ANKS1B: variants seen among roughly 807,000 people sequenced by gnomAD.
ANKS1B encodes ankyrin repeat and sterile alpha motif domain-containing protein 1B.
A neutral mutation model predicts 148.3 loss-of-function variants in ANKS1B; 36 were observed. The observed-to-expected ratio is 0.24, with a 90% CI of 0.19 to 0.32. The LOEUF (loss-of-function observed/expected upper bound fraction) is 0.32, where lower values mean the gene tolerates loss of function less well. ANKS1B is among the 10% of genes least tolerant of loss of function. The pLI is 1.00. For missense variants in ANKS1B, 1,157 were observed against 1,542.6 expected, an observed-to-expected ratio of 0.75 and a Z score of 4.19; for synonymous variants, 542 against 560.8, an observed-to-expected ratio of 0.97 and a Z score of 0.47.
At chr12:99,860,241 C>T (rs578247715) in intron 1 of ANKS1B, among the ~76,000 whole-genome samples, 1 of 152,268 alleles carries the variant, frequency 6.6e-6, no homozygotes, top group East Asian at 1.9e-4. Context: ...CTGGAGAAGG[C>T]TTTACAGCAA....
chr12:99,331,417 T>C lies in ANKS1B; in HGVS notation c.1756+68214A>G, dbSNP rs188743621. ...TGATATTACATGCTTTACAACCTCC[T>C]GCAGCTGCCAGCCAAATCTCCGTTT... On this transcript the variant is annotated intron_variant, in intron 12 of 26. Coordinates refer to ENST00000683438, the MANE Select transcript of ANKS1B (RefSeq NM_001352186.2). 4.5e-4 allele frequency among the ~76,000 whole-genome samples: 68 copies of C among 152,166 alleles called. 1 individual carries two copies. The highest frequency in any genetic ancestry group is 7.8e-4 in the Non-Finnish European group (53 of 67,958).
At chr12:99,679,609 C>T (rs532020440) in intron 8 of ANKS1B, among the ~76,000 whole-genome samples, 2 of 151,958 alleles carry the variant, frequency 1.3e-5, no homozygotes, top group Middle Eastern at 3.4e-3. Flanking sequence ...CATGACTGTC[C>T]GAACTCTAAC....
intron 8 of ANKS1B, among the ~76,000 whole-genome samples, chr12:99,717,653 G>A (rs1397376531): frequency 1.3e-5 from 2 of 152,176 alleles, no homozygotes; most frequent in African/African-American, 2.4e-5. Flanking sequence ...TCGGCTTAGT[G>A]GCTGAAGACT....
At chr12:99,417,735 A>G (rs2094953169) in intron 11 of ANKS1B, among the ~76,000 whole-genome samples, 1 of 152,138 alleles carries the variant, frequency 6.6e-6, no homozygotes, top group Non-Finnish European at 1.5e-5. Context: ...TGTAGTTTTC[A>G]GTATACAAGA....
intron 17 of ANKS1B, among the ~76,000 whole-genome samples, chr12:98,926,621 G>A (rs1405686739): frequency 6.6e-6 from 1 of 152,094 alleles, no homozygotes; most frequent in Non-Finnish European, 1.5e-5. Context: ...GTTACTATAG[G>A]AGACATGTCT....
intron 17 of ANKS1B, 84 bp downstream of exon 17, chr12:99,053,073 T>C: frequency 1.6e-6 from 2 of 1,238,730 alleles, no homozygotes; most frequent in Non-Finnish European, 1.1e-6. Flanking sequence ...CCCCATTGGA[T>C]GTCCAAACAC....
chr12:99,852,745 G>A (rs1255496626), intron 1 of ANKS1B, among the ~76,000 whole-genome samples: 5 of 152,330 alleles, frequency 3.3e-5, no homozygotes, highest in East Asian at 1.9e-4. Flanking sequence ...GATTGGCACC[G>A]CAGGCTGTGT....
Position 99,731,583 on chromosome 12 carries a change from C to G in ANKS1B, c.1128+41339G>C, listed in dbSNP as rs145524525. Among the ~76,000 whole-genome samples, 60 of 152,060 alleles carry G rather than the reference C, an allele frequency of 3.9e-4. No homozygotes were observed. The East Asian group carries it at 0.01, about 26-fold the overall frequency. On this transcript the variant is annotated intron_variant, in intron 8 of 26. Coordinates refer to ENST00000683438, the MANE Select transcript of ANKS1B (RefSeq NM_001352186.2). ...GGTAATTCAATGAGAATACTAGAGT[C>G]TTTTTCAAAAAATGGTTCTAGACAA... is the stretch of plus-strand genomic sequence containing the variant.
At chr12:99,300,785 A>C (rs10860417) in intron 12 of ANKS1B, among the ~76,000 whole-genome samples, 5,321 of 152,284 alleles carry the variant, frequency 0.035, 430 homozygotes, top group East Asian at 0.34. Context: ...GTTTAGAGGC[A>C]TACTTTGGCT....
chr12:99,773,137 C>T (rs368858399), intron 7 of ANKS1B, 49 bp from the exon 8 acceptor site: 22 of 1,499,524 alleles, frequency 1.5e-5, no homozygotes, highest in East Asian at 6.8e-5. Context: ...ATTGTTAAAA[C>T]TTAATGTTAA....
At chr12:99,479,624 CACAGTAAGACAAAT>C (rs2096378342) in intron 10 of ANKS1B, among the ~76,000 whole-genome samples, 1 of 151,822 alleles carries the variant, frequency 6.6e-6, no homozygotes, top group Non-Finnish European at 1.5e-5. Context: ...ACAAACCAGG[CACAGTAAGACAAAT>C]ACTGCATGAC....
chr12:99,309,024 T>C (rs1180914195), intron 12 of ANKS1B, among the ~76,000 whole-genome samples: 1 of 151,380 alleles, frequency 6.6e-6, no homozygotes, highest in Non-Finnish European at 1.5e-5. Context: ...TACTATCAGT[T>C]TTCATGTATT....
chr12:99,262,828 T>C (rs1485706005), intron 12 of ANKS1B, among the ~76,000 whole-genome samples: 3 of 152,110 alleles, frequency 2.0e-5, no homozygotes, highest in Non-Finnish European at 4.4e-5. Flanking sequence ...TCTCTCTTTT[T>C]ATAAAGTACA....
intron 12 of ANKS1B, among the ~76,000 whole-genome samples, chr12:99,336,368 T>C (rs1226696442): frequency 1.3e-5 from 2 of 152,182 alleles, no homozygotes; most frequent in Non-Finnish European, 2.9e-5. Context: ...AGCTCTTCAA[T>C]TGGATGTAAT....
chr12:98,967,775 A>G (rs977789220), intron 17 of ANKS1B, among the ~76,000 whole-genome samples: 4 of 151,484 alleles, frequency 2.6e-5, no homozygotes, highest in Non-Finnish European at 4.4e-5. Context: ...AAAAAAAGAA[A>G]TGAAGGTTCC....
intron 17 of ANKS1B, among the ~76,000 whole-genome samples, chr12:98,854,091 G>C (rs780314036): frequency 1.3e-5 from 2 of 152,192 alleles, no homozygotes; most frequent in Non-Finnish European, 1.5e-5. Context: ...CAAAGGAGAA[G>C]AACACAAGTA....
intron 17 of ANKS1B, among the ~76,000 whole-genome samples, chr12:98,844,547 T>TGGCTCCAGC: frequency 6.6e-6 from 1 of 152,192 alleles, no homozygotes; most frequent in South Asian, 2.1e-4. Context: ...TGACAGGTAT[T>TGGCTCCAGC]AGTATGAGGT....
At chr12:99,590,673 G>A (rs1402592196) in intron 9 of ANKS1B, among the ~76,000 whole-genome samples, 2 of 152,204 alleles carry the variant, frequency 1.3e-5, no homozygotes, top group Non-Finnish European at 2.9e-5. Flanking sequence ...AACTAGCCAG[G>A]TGAAGGAGGT....
chr12:99,831,733 C>A (rs995054965), intron 1 of ANKS1B, among the ~76,000 whole-genome samples: 22 of 150,526 alleles, frequency 1.5e-4, no homozygotes, highest in Admixed American at 6.6e-4. Context: ...TTTTTTTTAG[C>A]TTATGTGAAC....
Sources: gnomAD v4.1 joint callset for allele counts (sites outside exome capture counted in the v4.1 genomes callset) on GRCh38, gnomAD v4.1.1 for gene constraint, MANE v1.5 for transcripts, NCBI Gene and HGNC (gene_info 2026-07-23, HGNC 2026-07-21) for gene names.